MSRB3: variants seen among roughly 807,000 people sequenced by gnomAD.
The protein encoded by MSRB3 is methionine-R-sulfoxide reductase B3.
Under a neutral mutation model 21.0 loss-of-function variants are expected in MSRB3, and 13 were observed. The observed-to-expected ratio is 0.62, with a 90% confidence interval of 0.40 to 0.98. The LOEUF is 0.98. Among genes scored for constraint, MSRB3 ranks in the 50% least tolerant of loss-of-function variants. MSRB3 has a pLI of 0.00. For synonymous variants in MSRB3, 87 were observed against 88.6 expected (o/e 0.98, Z 0.10); for missense variants, 199 against 230.3 (o/e 0.86, Z 0.88).
At position 65,453,816 on chromosome 12, in the gene MSRB3, C is replaced by G. The variant is rs2136703085; in HGVS notation, c.381C>G (p.Ser127Arg). Residue 127 changes from serine (S) to arginine (R), a missense_variant, in exon 6 of 7, where the codon AGC (serine) becomes AGG (arginine). Physicochemically the swap from Ser to Arg is moderately radical, Grantham distance 110. Coordinates refer to ENST00000308259, the MANE Select transcript of MSRB3 (RefSeq NM_001031679.3). ...FSYGMHRVET[S>R]CSQCGAHLGH... Reference sequence around the variant, plus strand: ...ATGGGATGCACAGGGTGGAAACAAGCTGCTCTCAGGTGAGTTCATCCTTTC... The same window carrying G: ...ATGGGATGCACAGGGTGGAAACAAGGTGCTCTCAGGTGAGTTCATCCTTTC... 1.2e-6 allele frequency: 2 copies of G among 1,613,640 alleles called. No homozygotes were observed. Among genetic ancestry groups the G allele is most frequent in the Non-Finnish European group, 1.7e-6 (2 of 1,179,570 alleles).
chr12:65,289,386 C>T (rs1872558173), intron 1 of MSRB3, among the ~76,000 whole-genome samples: 2 of 152,014 alleles, frequency 1.3e-5, no homozygotes, highest in Admixed American at 6.6e-5. Flanking sequence ...CCCAGCTACT[C>T]AGGTGGCTGA....
intron 5 of MSRB3, chr12:65,418,625 A>G (rs1299614766): frequency 1.2e-5 from 7 of 584,386 alleles, no homozygotes; most frequent in Admixed American, 9.0e-5. Flanking sequence ...TTCAGATCTT[A>G]TTTTTACATC....
At chr12:65,416,874 G>A (rs754429203) in intron 5 of MSRB3, among the ~76,000 whole-genome samples, 2 of 152,116 alleles carry the variant, frequency 1.3e-5, no homozygotes, top group Non-Finnish European at 2.9e-5. Flanking sequence ...TTGCCAACTC[G>A]ATAGTGTGTA....
chr12:65,288,110 C>T (rs1872482537), intron 1 of MSRB3, among the ~76,000 whole-genome samples: 1 of 151,990 alleles, frequency 6.6e-6, no homozygotes, highest in Admixed American at 6.6e-5. Context: ...TGAGACCATC[C>T]TGACCAGCAT....
chr12:65,291,693 C>T (rs1456256777), intron 1 of MSRB3, among the ~76,000 whole-genome samples: 1 of 152,050 alleles, frequency 6.6e-6, no homozygotes, highest in Admixed American at 6.5e-5. Flanking sequence ...GTCTTTCGTT[C>T]TCAGTTTGGA....
rs556908706 is a variant in MSRB3, at chr12:65,446,220, G to A, written c.293-7508G>A. On this transcript the variant is annotated intron_variant, in intron 5 of 6. Transcript: ENST00000308259. ...CAAAGCAAATATAAACTTGAAAAGT[G>A]GTCTAAGAAATTCCTTTCCACTTAA... Among the ~76,000 whole-genome samples the A allele has an allele frequency of 1.1e-4, 16 of 152,228 alleles. 2 individuals are homozygous for A. In the South Asian group the frequency reaches 3.3e-3, roughly 32 times the overall value.
chr12:65,325,232 C>T (rs1302332524), intron 2 of MSRB3, among the ~76,000 whole-genome samples: 4 of 152,164 alleles, frequency 2.6e-5, no homozygotes, highest in South Asian at 2.1e-4. Flanking sequence ...TCTACCTAAC[C>T]GTTGATAACA....
rs182436467 is a variant in MSRB3, at chr12:65,366,523, G to A, written c.264-2475G>A. Among the ~76,000 whole-genome samples, 3 of 152,246 alleles carry A rather than the reference G, an allele frequency of 2.0e-5. No homozygotes were observed. In the East Asian group the frequency reaches 5.8e-4, roughly 29 times the overall value. ...TCATCATTGGTGGATCTAAAGGGAA[G>A]GAGAACATTGGTTATGAGGTTATTC... On this transcript the variant is annotated intron_variant, in intron 4 of 6. Coordinates refer to ENST00000308259, the MANE Select transcript of MSRB3 (RefSeq NM_001031679.3).
intron 4 of MSRB3, chr12:65,344,006 G>A (rs1876321029): frequency 6.6e-6 from 1 of 152,066 alleles, no homozygotes; most frequent in Admixed American, 6.6e-5. Context: ...ACCTCTATGA[G>A]CCTTAATTTC....
At chr12:65,363,335 A>AT (rs1470620279) in intron 4 of MSRB3, among the ~76,000 whole-genome samples, 3 of 152,178 alleles carry the variant, frequency 2.0e-5, no homozygotes, top group African/African-American at 4.8e-5. Flanking sequence ...TACACATAGA[A>AT]TTTTTGTGGA....
Position 65,427,542 on chromosome 12 carries a change from C to T in MSRB3, c.293-26186C>T, listed in dbSNP as rs559308078. ...TGGCACTGGATTTGGCTTGCAGGCCCACTCGCAGTTTGGTGTGGCACTAGT... is the reference window on the plus strand; with the variant it reads ...TGGCACTGGATTTGGCTTGCAGGCCTACTCGCAGTTTGGTGTGGCACTAGT... On this transcript the variant is annotated intron_variant, in intron 5 of 6. Transcript: ENST00000308259. 7.3e-4 allele frequency among the ~76,000 whole-genome samples: 111 copies of T among 152,270 alleles called. 1 individual carries two copies. Among genetic ancestry groups the T allele is most frequent in the Admixed American group, 1.9e-3 (29 of 15,294 alleles).
intron 1 of MSRB3, among the ~76,000 whole-genome samples, chr12:65,297,939 C>T (rs1306972492): frequency 5.9e-5 from 9 of 151,626 alleles, no homozygotes; most frequent in Admixed American, 5.9e-4. Flanking sequence ...TGAATGGTTA[C>T]AGTAGAAAGG....
chr12:65,312,689 C>T (rs1489075448), intron 2 of MSRB3, among the ~76,000 whole-genome samples: 2 of 151,956 alleles, frequency 1.3e-5, no homozygotes, highest in African/African-American at 2.4e-5. Context: ...AATTAGAAGT[C>T]TTAGAGATAT....
intron 2 of MSRB3, among the ~76,000 whole-genome samples, chr12:65,310,463 A>C (rs1463942783): frequency 6.6e-6 from 1 of 152,198 alleles, no homozygotes; most frequent in African/African-American, 2.4e-5. Context: ...TTTCAATGCT[A>C]TACCGTACAT....
At chr12:65,345,047 C>A (rs1876399683) in intron 4 of MSRB3, among the ~76,000 whole-genome samples, 1 of 152,082 alleles carries the variant, frequency 6.6e-6, no homozygotes, top group East Asian at 1.9e-4. Context: ...ACACTACAAA[C>A]AATAGGCATG....
intron 5 of MSRB3, 64 bp downstream of exon 5, chr12:65,369,090 A>C: frequency 8.5e-7 from 1 of 1,170,364 alleles, no homozygotes; most frequent in Non-Finnish European, 1.3e-6. Context: ...TGAGGAGTAA[A>C]TCATCAGATC....
chr12:65,311,017 G>A (rs188018883), intron 2 of MSRB3, among the ~76,000 whole-genome samples: 1 of 152,288 alleles, frequency 6.6e-6, no homozygotes, highest in African/African-American at 2.4e-5. Context: ...GGAAATTCAT[G>A]TATCTGTATT....
chr12:65,463,198 C>T lies in MSRB3; in HGVS notation c.434C>T (p.Pro145Leu). Residue 145 changes from proline (P) to leucine (L), a missense_variant, in exon 7 of 7, where the codon CCA becomes CTA. Pro to Leu is a moderately conservative substitution (Grantham distance 98). Transcript: ENST00000308259. ...CACATTTTTGATGATGGGCCTCGTC[C>T]AACTGGGAAAAGATACTGCATAAAT... ...LGHIFDDGPR[P>L]TGKRYCINSA... 2 of 1,614,136 alleles carry T rather than the reference C, an allele frequency of 1.2e-6. No individual in the cohort carries two copies. Among genetic ancestry groups the T allele is most frequent in the Non-Finnish European group, 1.7e-6 (2 of 1,180,028 alleles).
intron 5 of MSRB3, among the ~76,000 whole-genome samples, chr12:65,414,547 G>C (rs970354908): frequency 1.3e-5 from 2 of 152,170 alleles, no homozygotes; most frequent in Non-Finnish European, 2.9e-5. Flanking sequence ...TGTAGCCTAG[G>C]AGCAATGGGC....
Sources: allele counts gnomAD v4.1 joint callset (sites outside exome capture counted in the v4.1 genomes callset), GRCh38; gene constraint gnomAD v4.1.1; transcripts MANE v1.5; gene names NCBI Gene and HGNC (gene_info 2026-07-23, HGNC 2026-07-21).